Variants in NKAIN3 observed in about 807,000 individuals in gnomAD.
NKAIN3 encodes the protein sodium/potassium-transporting ATPase subunit beta-1-interacting protein 3.
Under a neutral mutation model 30.2 loss-of-function variants are expected in NKAIN3, and 25 were observed. The observed-to-expected ratio is 0.83, with a 90% confidence interval of 0.60 to 1.16. NKAIN3 has a LOEUF of 1.16. NKAIN3 is among the 50% of genes most tolerant of loss of function. The pLI is 0.00. For missense variants in NKAIN3, 225 were observed against 254.1 expected (o/e 0.89, Z 0.78); for synonymous variants, 91 against 89.6 (o/e 1.02, Z -0.09).
intron 3 of NKAIN3, among the ~76,000 whole-genome samples, chr8:62,649,393 C>T (rs1362615298): frequency 3.3e-5 from 5 of 152,266 alleles, no homozygotes; most frequent in South Asian, 2.1e-4. Context: ...CTGAGCCAAA[C>T]AGGCCAATGG....
chr8:62,278,898 A>G (rs1002097386), intron 1 of NKAIN3, among the ~76,000 whole-genome samples: 6 of 152,208 alleles, frequency 3.9e-5, no homozygotes, highest in African/African-American at 1.4e-4. Context: ...ATGCCCAGTA[A>G]TTGGATGGCT....
At chr8:62,881,044 G>A (rs1182432345) in intron 4 of NKAIN3, among the ~76,000 whole-genome samples, 1 of 152,012 alleles carries the variant, frequency 6.6e-6, no homozygotes, top group African/African-American at 2.4e-5. Context: ...AAAATAAAAT[G>A]TTTAATTAAT....
intron 1 of NKAIN3, among the ~76,000 whole-genome samples, chr8:62,415,036 ATAT>A (rs1311783471): frequency 1.3e-5 from 1 of 74,626 alleles, no homozygotes; most frequent in African/African-American, 3.5e-5. Context: ...TTAATTAGAA[ATAT>A]TATATATATA....
At chr8:62,280,175 T>C (rs1238678089) in intron 1 of NKAIN3, among the ~76,000 whole-genome samples, 1 of 23,670 alleles carries the variant, frequency 4.2e-5, no homozygotes, top group East Asian at 1.8e-3. Flanking sequence ...GCTCTCTGTT[T>C]GTCTGTTATT....
chr8:62,752,953 A>C (rs1398203860), intron 4 of NKAIN3, among the ~76,000 whole-genome samples: 1 of 152,214 alleles, frequency 6.6e-6, no homozygotes, highest in Admixed American at 6.5e-5. Flanking sequence ...ACCTAGCTAC[A>C]GGAAAAGGGA....
At chr8:62,955,541 A>G (rs919593413) in intron 6 of NKAIN3, among the ~76,000 whole-genome samples, 1 of 152,186 alleles carries the variant, frequency 6.6e-6, no homozygotes, top group Non-Finnish European at 1.5e-5. Flanking sequence ...CTGTGAAAAA[A>G]AAAACTCAGC....
At chr8:62,882,903 A>C (rs1821030469) in intron 4 of NKAIN3, among the ~76,000 whole-genome samples, 1 of 152,002 alleles carries the variant, frequency 6.6e-6, no homozygotes, top group Non-Finnish European at 1.5e-5. Context: ...TGTTCCATTG[A>C]GCTATTTGTC....
At chr8:62,762,894 A>T (rs1396443352) in intron 4 of NKAIN3, among the ~76,000 whole-genome samples, 1 of 151,974 alleles carries the variant, frequency 6.6e-6, no homozygotes, top group Non-Finnish European at 1.5e-5. Flanking sequence ...TAAAAAAAAA[A>T]TTCAATAATT....
At chr8:62,567,703 GA>G (rs1342766643) in intron 1 of NKAIN3, among the ~76,000 whole-genome samples, 115 of 152,056 alleles carry the variant, frequency 7.6e-4, no homozygotes, top group African/African-American at 2.5e-3. Flanking sequence ...CTAGAAGCTG[GA>G]AAAGTTAAAA....
intron 5 of NKAIN3, among the ~76,000 whole-genome samples, chr8:62,992,586 C>T (rs983390477): frequency 1.2e-4 from 18 of 152,048 alleles, no homozygotes; most frequent in South Asian, 8.3e-4. Flanking sequence ...CCCTCACCCT[C>T]ACCCATCCCA....
At chr8:62,711,031 A>C (rs928505788) in intron 3 of NKAIN3, among the ~76,000 whole-genome samples, 4 of 152,004 alleles carry the variant, frequency 2.6e-5, no homozygotes, top group African/African-American at 9.7e-5. Context: ...CTTGGCTGAT[A>C]ATTGTTTTGT....
intron 1 of NKAIN3, among the ~76,000 whole-genome samples, chr8:62,400,439 TG>T (rs1256648871): frequency 2.0e-5 from 3 of 152,180 alleles, no homozygotes; most frequent in Non-Finnish European, 1.5e-5. Flanking sequence ...CCCAGATTTC[TG>T]GCATTACAGG....
intron 5 of NKAIN3, chr8:62,990,395 A>G (rs933415901): frequency 6.6e-6 from 8 of 1,218,866 alleles, no homozygotes; most frequent in South Asian, 8.0e-5. Flanking sequence ...TATGAAAAGC[A>G]TAGGTTTTTT....
Position 62,567,194 on chromosome 8 carries a change from G to T in NKAIN3, c.55-12345G>T, listed in dbSNP as rs118071394. Among the ~76,000 whole-genome samples the T allele has an allele frequency of 1.3e-3, 200 of 152,202 alleles. 3 individuals carry two copies. In the East Asian group the frequency reaches 0.031, roughly 24 times the overall value. ...AAGTCCTGGTCACCTAAGTAATAGG[G>T]TTGGTCCTAGAAGGAGTGGAACAGA... On this transcript the variant is annotated intron_variant, in intron 1 of 6. Coordinates refer to ENST00000623646, the MANE Select transcript of NKAIN3 (RefSeq NM_001304533.3).
intron 1 of NKAIN3, among the ~76,000 whole-genome samples, chr8:62,396,670 C>A (rs1817776943): frequency 6.6e-6 from 1 of 152,146 alleles, no homozygotes; most frequent in South Asian, 2.1e-4. Context: ...GCCCTACTTA[C>A]CCTGTCTATT....
At chr8:62,711,062 C>T (rs537709785) in intron 3 of NKAIN3, among the ~76,000 whole-genome samples, 1 of 152,168 alleles carries the variant, frequency 6.6e-6, no homozygotes, top group Admixed American at 6.5e-5. Flanking sequence ...TGAAGATAGG[C>T]CCCCAACCTC....
chr8:62,904,393 ACT>A (rs1821714053), intron 4 of NKAIN3, among the ~76,000 whole-genome samples: 1 of 152,154 alleles, frequency 6.6e-6, no homozygotes. Flanking sequence ...AAATGAAAAG[ACT>A]CTACTATCCT....
chr8:62,633,105 T>C (rs1812018492), intron 3 of NKAIN3, among the ~76,000 whole-genome samples: 1 of 152,136 alleles, frequency 6.6e-6, no homozygotes. Flanking sequence ...CAAATCCTTA[T>C]GCTGCCACCT....
At chr8:62,772,934 C>T (rs542778983) in intron 4 of NKAIN3, among the ~76,000 whole-genome samples, 1 of 152,252 alleles carries the variant, frequency 6.6e-6, no homozygotes, top group South Asian at 2.1e-4. Flanking sequence ...GCTGGGATTA[C>T]AGGTGTGAGC....
Sources: allele counts gnomAD v4.1 joint callset (sites outside exome capture counted in the v4.1 genomes callset), GRCh38; gene constraint gnomAD v4.1.1; transcripts MANE v1.5; gene names NCBI Gene and HGNC (gene_info 2026-07-23, HGNC 2026-07-21).